The following ASCL3 variants were observed in gnomAD, a reference collection of about 807,000 sequenced individuals.
ASCL3 encodes the protein achaete-scute homolog 3.
In ASCL3, 1 loss-of-function variant was observed where a neutral mutation model predicts 2.3. The observed-to-expected ratio is 0.44, with a 90% CI of 0.16 to 2.10. The LOEUF (loss-of-function observed/expected upper bound fraction) is 2.10. Ranked by LOEUF, ASCL3 falls within the 30% of genes most tolerant of loss-of-function variation. ASCL3 has a pLI of 0.28. For missense variants in ASCL3, 243 were observed against 229.0 expected, an observed-to-expected ratio of 1.06 and a Z score of -0.40; for synonymous variants, 98 against 88.5, an observed-to-expected ratio of 1.11 and a Z score of -0.60.
intron 1 of ASCL3, among the ~76,000 whole-genome samples, chr11:8,941,934 G>A (rs1032894895): frequency 4.6e-5 from 7 of 152,034 alleles, no homozygotes; most frequent in Non-Finnish European, 7.4e-5. Context: ...CTGCACTTCC[G>A]ACAACAGCAG....
chr11:8,938,135 A>C lies in ASCL3; in HGVS notation c.27T>G (p.Ser9Arg). 8 of 1,605,626 alleles carry C rather than the reference A, an allele frequency of 5.0e-6. No individual in the cohort carries two copies. Among genetic ancestry groups the C allele is most frequent in the Non-Finnish European group, 6.8e-6 (8 of 1,175,184 alleles). MMDNRGNSSLPDKLPIFPD... is the reference protein window; with the variant it reads MMDNRGNSRLPDKLPIFPD... ...GGAAGATAGGAAGTTTGTCAGGTAG[A>C]CTAGAGTTGCCTCTGTTGTCCATCA... The change falls in exon 2 of 2, where the codon AGT (serine) becomes AGG (arginine). Residue 9 changes from serine to arginine, a missense_variant. Physicochemically the swap from Ser to Arg is moderately radical, Grantham distance 110. Transcript: ENST00000531618.
rs773915020 is a variant in ASCL3, at chr11:8,937,597, T to A, written c.*19A>T. The A allele has an allele frequency of 1.1e-5, 17 of 1,589,748 alleles. No homozygotes were observed. The South Asian group carries it at 1.8e-4, about 17-fold the overall frequency. ...ACCCCATTTTGTGATATTATTCATT[T>A]CTATTTGGAAACAGCAACTCAAACA... On this transcript the variant is annotated 3_prime_UTR_variant, in exon 2 of 2. Transcript: ENST00000531618.
In ASCL3 at chr11:8,937,587, A is replaced by C. The variant is rs1188897010; in HGVS notation, c.*29T>G. ...GCCGTAAGAGACCCCATTTTGTGAT[A>C]TTATTCATTTCTATTTGGAAACAGC... is the stretch of plus-strand genomic sequence containing the variant. On this transcript the variant is annotated 3_prime_UTR_variant, in exon 2 of 2. Transcript: ENST00000531618. 1 of 1,576,616 alleles carries C rather than the reference A, an allele frequency of 6.3e-7. No homozygotes were observed. Among genetic ancestry groups the C allele is most frequent in the African/African-American group, 1.4e-5 (1 of 73,490 alleles).
chr11:8,940,997 A>G (rs1449981072), intron 1 of ASCL3, among the ~76,000 whole-genome samples: 1 of 152,142 alleles, frequency 6.6e-6, no homozygotes, highest in Non-Finnish European at 1.5e-5. Flanking sequence ...CCCCCCAGGT[A>G]CAGAGGAGTG....
rs150668187 is a variant in ASCL3 at position 8,937,804 on chromosome 11, G to A, written c.358C>T (p.Leu120=). Residue 120 remains leucine, a synonymous_variant, in exon 2 of 2, where the codon CTG becomes TTG. Coordinates refer to ENST00000531618, the MANE Select transcript of ASCL3 (RefSeq NM_020646.3). The part of the protein sequence containing the change: ...NEGYAQLRHH[L]PEEYLEKRLS... ...CGCTTCTCCAAATACTCCTCTGGCAGATGATGGCGGAGCTGGGCGTAGCCT... is the reference window on the plus strand; with the variant it reads ...CGCTTCTCCAAATACTCCTCTGGCAAATGATGGCGGAGCTGGGCGTAGCCT... 1 of 1,614,150 alleles carries A rather than the reference G, an allele frequency of 6.2e-7. No individual in the cohort carries two copies. Among genetic ancestry groups the A allele is most frequent in the African/African-American group, 1.3e-5 (1 of 75,060 alleles).
chr11:8,937,998 C>A lies in ASCL3; in HGVS notation c.164G>T (p.Arg55Leu), dbSNP rs4909951. Residue 55 changes from arginine (R) to leucine (L), a missense_variant, in exon 2 of 2, where the codon CGG (arginine) becomes CTG (leucine). Transcript: ENST00000531618. ...VSSPYSEELP[R>L]LPFPSDSLIL... ...AAGAGAGTCGCTGGGAAAAGGCAGC[C>A]GTGGCAGCTCCTCAGAGTAAGGGGA... 1,021,164 of 1,613,550 alleles carry A rather than the reference C, an allele frequency of 0.63. 329,276 individuals are homozygous for A. The highest frequency in any genetic ancestry group is 0.73 in the East Asian group (32,743 of 44,854).
intron 1 of ASCL3, among the ~76,000 whole-genome samples, chr11:8,941,544 C>A (rs958697431): frequency 9.2e-6 from 1 of 108,676 alleles, no homozygotes; most frequent in Non-Finnish European, 2.1e-5. Flanking sequence ...GCAGGGGTGC[C>A]GGGAGGGAGG....
chr11:8,941,030 C>T (rs568452801), intron 1 of ASCL3, among the ~76,000 whole-genome samples: 1 of 152,248 alleles, frequency 6.6e-6, no homozygotes, highest in South Asian at 2.1e-4. Context: ...ATGCACCCAG[C>T]ATTTGCCTCT....
intron 1 of ASCL3, 84 bp from the exon 2 acceptor site, chr11:8,938,257 T>C: frequency 6.2e-6 from 8 of 1,281,508 alleles, no homozygotes; most frequent in Non-Finnish European, 8.7e-6. Flanking sequence ...TTTTATTTTA[T>C]TTTATTTTTC....
intron 1 of ASCL3, among the ~76,000 whole-genome samples, chr11:8,941,163 C>T (rs1237860802): frequency 1.3e-5 from 2 of 152,060 alleles, no homozygotes; most frequent in Non-Finnish European, 2.9e-5. Context: ...ATCCTAAACA[C>T]ACATGTTGAG....
chr11:8,942,839 A>G (rs1853722027), intron 1 of ASCL3, among the ~76,000 whole-genome samples, 147 bp downstream of exon 1: 2 of 152,164 alleles, frequency 1.3e-5, no homozygotes, highest in South Asian at 4.1e-4. Flanking sequence ...TGGATCTTCC[A>G]TTATATGGGG....
At position 8,937,794 on chromosome 11, in the gene ASCL3, T is replaced by G. The variant is rs758370677; in HGVS notation, c.368A>C (p.Glu123Ala). The G allele has an allele frequency of 1.9e-6, 3 of 1,613,956 alleles. No homozygotes were observed. In the Admixed American group the frequency reaches 5.0e-5, roughly 27 times the overall value. The change falls in exon 2 of 2, where the codon GAG (glutamate) becomes GCG (alanine). Residue 123 changes from glutamate (E) to alanine (A), a missense_variant. By Grantham distance (107) the Glu-to-Ala change is moderately radical. Coordinates refer to ENST00000531618, the MANE Select transcript of ASCL3 (RefSeq NM_020646.3). ...TTTGCTGAGTCGCTTCTCCAAATAC[T>G]CCTCTGGCAGATGATGGCGGAGCTG... ...YAQLRHHLPE[E>A]YLEKRLSKVE...
chr11:8,938,005 G>C lies in ASCL3; in HGVS notation c.157C>G (p.Leu53Val). 1 of 1,613,946 alleles carries C rather than the reference G, an allele frequency of 6.2e-7. No homozygotes were observed. Among genetic ancestry groups the C allele is most frequent in the Non-Finnish European group, 8.5e-7 (1 of 1,179,890 alleles). Residue 53 changes from leucine (L) to valine (V), a missense_variant, in exon 2 of 2, where the codon CTG becomes GTG. By Grantham distance (32) the Leu-to-Val change is conservative (BLOSUM62 1). Transcript: ENST00000531618. ...APVSSPYSEE[L>V]PRLPFPSDSL... The stretch of plus-strand genomic sequence containing the variant: ...TCGCTGGGAAAAGGCAGCCGTGGCA[G>C]CTCCTCAGAGTAAGGGGATGACACC...
chr11:8,939,663 TAA>T (rs1183136698), intron 1 of ASCL3, among the ~76,000 whole-genome samples: 1 of 151,910 alleles, frequency 6.6e-6, no homozygotes, highest in Non-Finnish European at 1.5e-5. Context: ...GACATGCAAA[TAA>T]AAAAAGTGTG....
At chr11:8,940,828 G>C (rs959969537) in intron 1 of ASCL3, among the ~76,000 whole-genome samples, 1 of 152,168 alleles carries the variant, frequency 6.6e-6, no homozygotes. Context: ...ACAACTATTT[G>C]TATAGAATGT....
intron 1 of ASCL3, among the ~76,000 whole-genome samples, chr11:8,939,504 G>C (rs1056619845): frequency 6.6e-6 from 1 of 152,112 alleles, no homozygotes; most frequent in Admixed American, 6.5e-5. Flanking sequence ...CTCCCAAAGT[G>C]CTGGGATTAC....
rs146206636 is a variant in ASCL3, at chr11:8,937,813, G to A, written c.349C>T (p.Arg117Cys). 49 of 1,614,006 alleles carry A rather than the reference G, an allele frequency of 3.0e-5. No individual in the cohort carries two copies. Among genetic ancestry groups the A allele is most frequent in the Middle Eastern group, 1.6e-4 (1 of 6,084 alleles). Residue 117 changes from arginine (R) to cysteine (C), a missense_variant, in exon 2 of 2, where the codon CGC becomes TGC. By Grantham distance (180) the Arg-to-Cys change is radical. Coordinates refer to ENST00000531618, the MANE Select transcript of ASCL3 (RefSeq NM_020646.3). ...KCVNEGYAQLRHHLPEEYLEK... is the reference protein window; with the variant it reads ...KCVNEGYAQLCHHLPEEYLEK... ...AAATACTCCTCTGGCAGATGATGGC[G>A]GAGCTGGGCGTAGCCTTCATTGACA...
chr11:8,939,082 C>T (rs1327583987), intron 1 of ASCL3, among the ~76,000 whole-genome samples: 1 of 151,830 alleles, frequency 6.6e-6, no homozygotes, highest in Non-Finnish European at 1.5e-5. Flanking sequence ...TGGGATTACA[C>T]ACAGGAAGCC....
chr11:8,942,197 A>T (rs1470475221), intron 1 of ASCL3, among the ~76,000 whole-genome samples: 2 of 152,170 alleles, frequency 1.3e-5, no homozygotes, highest in Non-Finnish European at 2.9e-5. Context: ...GTGTCTCTGG[A>T]GGCACATTGA....
Sources: gnomAD v4.1 joint callset for allele counts (sites outside exome capture counted in the v4.1 genomes callset) on GRCh38, gnomAD v4.1.1 for gene constraint, MANE v1.5 for transcripts, NCBI Gene and HGNC (gene_info 2026-07-23, HGNC 2026-07-21) for gene names.